The following UBA5 variants were observed in gnomAD, a reference collection of about 807,000 sequenced individuals.
The protein encoded by UBA5 is ubiquitin like modifier activating enzyme 5, also known as ubiquitin-like modifier-activating enzyme 5.
In UBA5, 28 loss-of-function variants were observed where a neutral mutation model predicts 52.9. That is an observed-to-expected ratio of 0.53 (90% CI 0.39 to 0.73). UBA5 has a LOEUF of 0.73. Among genes scored for constraint, UBA5 ranks in the 30% least tolerant of loss-of-function variants. The probability of loss-of-function intolerance (pLI) is 0.00; values close to 1 mark genes in which losing one functional copy is unlikely to be tolerated. For missense variants in UBA5, 388 were observed against 492.7 expected (o/e 0.79, Z 2.01); for synonymous variants, 135 against 162.1 (o/e 0.83, Z 1.27).
intron 1 of UBA5, chr3:132,661,108 G>C (rs1938140659): frequency 7.9e-7 from 1 of 1,268,014 alleles, no homozygotes; most frequent in African/African-American, 1.5e-5. Flanking sequence ...CGGGGCGGGG[G>C]AGAGCGGGGT....
At chr3:132,659,056 G>T (rs1937981604), upstream of UBA5, among the ~76,000 whole-genome samples, 1 of 152,160 alleles carries the variant, frequency 6.6e-6, no homozygotes, top group Non-Finnish European at 1.5e-5. Flanking sequence ...ACTAAAGCCA[G>T]ATTCCCGGTG....
Position 132,666,017 on chromosome 3 carries a change from G to A in UBA5, c.241G>A (p.Val81Ile). The change falls in exon 3 of 12, where the codon GTT (valine) becomes ATT (isoleucine). Residue 81 changes from valine (V) to isoleucine (I), a missense_variant. Transcript: ENST00000356232. ...TACCTTTGCCGTAGCAATAGTAGGTGTTGGTGGAGTAGGTAGTGTGACTGC... is the reference window on the plus strand; with the variant it reads ...TACCTTTGCCGTAGCAATAGTAGGTATTGGTGGAGTAGGTAGTGTGACTGC... ...IRTFAVAIVG[V>I]GGVGSVTAEM... The A allele has an allele frequency of 6.2e-7, 1 of 1,613,684 alleles. No homozygotes were observed. Among genetic ancestry groups the A allele is most frequent in the Non-Finnish European group, 8.5e-7 (1 of 1,179,618 alleles).
At chr3:132,672,000 T>C (rs772443221) in intron 7 of UBA5, 50 bp from the exon 8 acceptor site, 2 of 1,609,642 alleles carry the variant, frequency 1.2e-6, no homozygotes, top group Non-Finnish European at 1.7e-6. Flanking sequence ...ATTTGGAACA[T>C]CTCATACTTT....
chr3:132,658,625 C>T (rs531626809), upstream of UBA5, among the ~76,000 whole-genome samples: 12 of 152,302 alleles, frequency 7.9e-5, no homozygotes, highest in South Asian at 2.5e-3. Context: ...CTCAGCTATT[C>T]TTTATTCCAC....
Position 132,675,732 on chromosome 3 carries a change from G to C in UBA5, c.1024+52G>C, listed in dbSNP as rs1279469913. 1.9e-6 allele frequency: 3 copies of C among 1,544,364 alleles called. No homozygotes were observed. In the Admixed American group the frequency reaches 5.4e-5, roughly 28 times the overall value. On this transcript the variant is annotated intron_variant, in intron 10 of 11. Coordinates refer to ENST00000356232, the MANE Select transcript of UBA5 (RefSeq NM_024818.6). ...GGCAGTATAAAACAAAACCTTTTAT[G>C]GTAGCAAATCTAATAAGATTATACA...
At chr3:132,662,720 T>C (rs1276564096) in intron 1 of UBA5, among the ~76,000 whole-genome samples, 2 of 152,216 alleles carry the variant, frequency 1.3e-5, no homozygotes. Flanking sequence ...AATATAGTTA[T>C]AAGCATGTGG....
In UBA5 at chr3:132,660,798, C is replaced by T; in HGVS notation, c.161+100C>T. 1 of 1,447,688 alleles carries T rather than the reference C, an allele frequency of 6.9e-7. No individual in the cohort carries two copies. The highest frequency in any genetic ancestry group is 9.1e-7 in the Non-Finnish European group (1 of 1,095,262). 89.7% of individuals were successfully genotyped at this position (1,447,688 alleles called of 1,614,324 possible). A position where few individuals can be genotyped will look rare whatever the true frequency, so the allele number is the denominator to read the frequency against. ...CCCACGTCCCGCTCATGGGGACGCC[C>T]GCCACCCTTTTCTTGGTCTGCGAAT... On this transcript the variant is annotated intron_variant, in intron 1 of 11. Coordinates refer to ENST00000356232, the MANE Select transcript of UBA5 (RefSeq NM_024818.6). This position sits in a 1 kb window ranked among gnomAD's most constrained non-coding sequence, Gnocchi z 4.1.
Position 132,679,461 on chromosome 3 carries a change from T to G in UBA5, c.*2935T>G, listed in dbSNP as rs1436286518. Among the ~76,000 whole-genome samples the G allele has an allele frequency of 6.6e-6, 1 of 152,212 alleles. No homozygotes were observed. Among genetic ancestry groups the G allele is most frequent in the Non-Finnish European group, 1.5e-5 (1 of 68,024 alleles). ...CCAGCTATTTTTATCTTCTTAAGTA[T>G]GCATTCTACATGAGAACGTTTGGGT... On this transcript the variant is annotated 3_prime_UTR_variant, in exon 12 of 12. Transcript: ENST00000356232.
At chr3:132,670,433 G>A (rs1938551840) in intron 5 of UBA5, 149 bp downstream of exon 5, 3 of 497,706 alleles carry the variant, frequency 6.0e-6, no homozygotes, top group South Asian at 5.9e-5. Flanking sequence ...TAATTTTTAT[G>A]TATTAGAATA....
chr3:132,669,821 TG>T (rs1277070852), intron 4 of UBA5, among the ~76,000 whole-genome samples: 1 of 152,164 alleles, frequency 6.6e-6, no homozygotes, highest in African/African-American at 2.4e-5. Flanking sequence ...ACACTTAGAT[TG>T]ATTGGGGTGG....
chr3:132,671,667 A>T, intron 6 of UBA5, 110 bp from the exon 7 acceptor site: 1 of 836,910 alleles, frequency 1.2e-6, no homozygotes, highest in South Asian at 1.9e-5. Flanking sequence ...ATTTGTTCTG[A>T]AAATTAATTT....
At chr3:132,666,499 CTT>C (rs1292207423) in intron 3 of UBA5, among the ~76,000 whole-genome samples, 5 of 152,024 alleles carry the variant, frequency 3.3e-5, no homozygotes, top group African/African-American at 9.7e-5. Flanking sequence ...AATTGGTACT[CTT>C]TTACTTTTTT....
Position 132,676,928 on chromosome 3 carries a change from C to T in UBA5, c.*402C>T, listed in dbSNP as rs1224923274. 2.2e-6 allele frequency: 1 copy of T among 455,312 alleles called. No individual in the cohort carries two copies. The highest frequency in any genetic ancestry group is 2.0e-5 in the African/African-American group (1 of 50,064). 28.2% of individuals were successfully genotyped at this position (455,312 alleles called of 1,614,324 possible). ...TGATCCTCAGATACAGGGAGAAGGA[C>T]AAGGCATACAGCTTATTGATTAGAG... On this transcript the variant is annotated 3_prime_UTR_variant, in exon 12 of 12. Transcript: ENST00000356232. The surrounding 1 kb of genome is among the most constrained non-coding windows in gnomAD (Gnocchi z 4.1).
rs772013226 is a variant in UBA5 at position 132,665,994 on chromosome 3, C to G, written c.218C>G (p.Thr73Ser). The change falls in exon 3 of 12, where the codon ACC (threonine) becomes AGC (serine). Residue 73 changes from threonine (T) to serine (S), a missense_variant. Thr to Ser is a moderately conservative substitution (Grantham distance 58, BLOSUM62 1). Transcript: ENST00000356232. ...TTTTATATTTCACAGAAAATCCGTA[C>G]CTTTGCCGTAGCAATAGTAGGTGTT... ...GIVSDYEKIR[T>S]FAVAIVGVGG... 1 of 1,613,478 alleles carries G rather than the reference C, an allele frequency of 6.2e-7. No homozygotes were observed. The highest frequency in any genetic ancestry group is 8.5e-7 in the Non-Finnish European group (1 of 1,179,526).
chr3:132,678,617 C>CA lies in UBA5; in HGVS notation c.*2097dup, dbSNP rs201326563. ...CCCTGGATACGTACACTGAACAACA[C>CA]AAAAAACGTAATGGCCACTTAAGAA... On this transcript the variant is annotated 3_prime_UTR_variant, in exon 12 of 12. Transcript: ENST00000356232. Among the ~76,000 whole-genome samples, 180 of 152,164 alleles carry CA rather than the reference C, an allele frequency of 1.2e-3. No individual in the cohort carries two copies. Among genetic ancestry groups the CA allele is most frequent in the African/African-American group, 3.7e-3 (154 of 41,502 alleles).
rs2107921636 is a variant in UBA5, at chr3:132,660,434, C to T, written c.-104C>T. 1 of 1,419,746 alleles carries T rather than the reference C, an allele frequency of 7.0e-7. No individual in the cohort carries two copies. Among genetic ancestry groups the T allele is most frequent in the Non-Finnish European group, 9.5e-7 (1 of 1,052,810 alleles). 87.9% of individuals were successfully genotyped at this position (1,419,746 alleles called of 1,614,324 possible). The stretch of plus-strand genomic sequence containing the variant: ...GGGCTCTGGGCTAGGAAGGCAGCGG[C>T]GAGGTGCCTCCCCACGTACCCCTCG... On this transcript the variant is annotated 5_prime_UTR_variant, in exon 1 of 12. Coordinates refer to ENST00000356232, the MANE Select transcript of UBA5 (RefSeq NM_024818.6). The surrounding 1 kb of genome is among the most constrained non-coding windows in gnomAD (Gnocchi z 4.1).
At chr3:132,675,580 C>T in intron 9 of UBA5, 25 bp from the exon 10 acceptor site, 4 of 1,600,596 alleles carry the variant, frequency 2.5e-6, no homozygotes, top group Non-Finnish European at 3.4e-6. Context: ...AGTAAGAACA[C>T]TTTGATGCTG....
intron 6 of UBA5, among the ~76,000 whole-genome samples, 200 bp downstream of exon 6, chr3:132,671,249 C>T (rs1477728905): frequency 6.6e-6 from 1 of 152,148 alleles, no homozygotes; most frequent in African/African-American, 2.4e-5. Flanking sequence ...GCTGCTGTGA[C>T]ATGTGTTACA....
chr3:132,662,304 T>C (rs1938203685), intron 1 of UBA5, among the ~76,000 whole-genome samples: 1 of 152,228 alleles, frequency 6.6e-6, no homozygotes, highest in East Asian at 1.9e-4. Flanking sequence ...ATACAGCAAA[T>C]ATTTACTGAG....
Sources: gnomAD v4.1 joint callset for allele counts (sites outside exome capture counted in the v4.1 genomes callset) on GRCh38, gnomAD v4.1.1 for gene constraint, Gnocchi (gnomAD v3.1) non-coding constraint, MANE v1.5 for transcripts, NCBI Gene and HGNC (gene_info 2026-07-23, HGNC 2026-07-21) for gene names.